The following FRA10AC1 variants were observed in gnomAD, a reference collection of about 807,000 sequenced individuals.
FRA10AC1 encodes the protein FRA10A associated CGG repeat 1.
In FRA10AC1, 43 loss-of-function variants were observed where a neutral mutation model predicts 56.5. The ratio of observed to expected loss-of-function variants is 0.76; its 90% CI spans 0.60 to 0.98. FRA10AC1 has a LOEUF of 0.98. FRA10AC1 is among the 50% of genes least tolerant of loss of function. FRA10AC1 has a pLI of 0.00. For missense variants in FRA10AC1, 346 were observed against 351.8 expected, an observed-to-expected ratio of 0.98 and a Z score of 0.13; for synonymous variants, 112 against 110.5, an observed-to-expected ratio of 1.01 and a Z score of -0.09.
intron 11 of FRA10AC1, among the ~76,000 whole-genome samples, chr10:93,679,999 C>T (rs1219643962): frequency 6.6e-6 from 1 of 152,094 alleles, no homozygotes; most frequent in Middle Eastern, 3.2e-3. Context: ...TGACAGAACA[C>T]TAAGGGAAAA....
At position 93,669,685 on chromosome 10, in the gene FRA10AC1, G is replaced by C. The variant is rs186174296; in HGVS notation, c.*141C>G. 2 of 634,874 alleles carry C rather than the reference G, an allele frequency of 3.2e-6. No individual in the cohort carries two copies. The highest frequency in any genetic ancestry group is 5.8e-5 in the East Asian group (2 of 34,486). 39.3% of individuals were successfully genotyped at this position (634,874 alleles called of 1,614,324 possible). A position where few individuals can be genotyped will look rare whatever the true frequency, so the allele number is the denominator to read the frequency against. Reference sequence around the variant, plus strand: ...ACTTCCAAAGCCTCTGACATTCTGAGAGAACCTGGATTTTTATTTCCAAAG... The same window carrying C: ...ACTTCCAAAGCCTCTGACATTCTGACAGAACCTGGATTTTTATTTCCAAAG... On this transcript the variant is annotated 3_prime_UTR_variant, in exon 14 of 14. Transcript: ENST00000359204.
chr10:93,694,751 C>T, intron 5 of FRA10AC1, 110 bp downstream of exon 5: 2 of 493,518 alleles, frequency 4.1e-6, no homozygotes, highest in Non-Finnish European at 7.2e-6. Context: ...AAAAGGCACA[C>T]CGGAATAGAA....
chr10:93,690,649 A>G lies in FRA10AC1; in HGVS notation c.465+1360T>C, dbSNP rs78658079. On this transcript the variant is annotated intron_variant, in intron 7 of 13. Coordinates refer to ENST00000359204, the MANE Select transcript of FRA10AC1 (RefSeq NM_145246.5). ...GAAAAAAAACAACAACTTAAGAACA[A>G]TCCATGAATAAGCCAGGGCTGAAAA... Among the ~76,000 whole-genome samples the G allele has an allele frequency of 7.2e-3, 1,101 of 152,282 alleles. 8 individuals carry two copies. The highest frequency in any genetic ancestry group is 0.021 in the African/African-American group (885 of 41,556).
Position 93,702,522 on chromosome 10 carries a change from A to ACCGCCGCCACCGCCGCCGCCG in FRA10AC1, c.-149_-148insCGGCGGCGGCGGTGGCGGCGG, listed in dbSNP as rs2059358300. Reference sequence around the variant, plus strand: ...GCCGCACAGCCTCGCCACAACCACCACCGCCGCCGCCGCCGCCGCCGCCGC... The same window carrying ACCGCCGCCACCGCCGCCGCCG: ...GCCGCACAGCCTCGCCACAACCACCACCGCCGCCACCGCCGCCGCCGCCGCCGCCGCCGCCGCCGCCGCCGC... On this transcript the variant is annotated 5_prime_UTR_variant, in exon 1 of 14. Coordinates refer to ENST00000359204, the MANE Select transcript of FRA10AC1 (RefSeq NM_145246.5). The ACCGCCGCCACCGCCGCCGCCG allele has an allele frequency of 4.7e-6, 1 of 211,550 alleles. No homozygotes were observed. The highest frequency in any genetic ancestry group is 2.4e-5 in the African/African-American group (1 of 40,848). The allele number at this position is 211,550 out of a possible 1,614,324, so 13.1% of individuals were successfully genotyped here. A position where few individuals can be genotyped will look rare whatever the true frequency, so the allele number is the denominator to read the frequency against.
At chr10:93,692,245 T>C (rs2059136360) in intron 6 of FRA10AC1, 152 bp from the exon 7 acceptor site, 4 of 577,372 alleles carry the variant, frequency 6.9e-6, no homozygotes, top group Non-Finnish European at 1.1e-5. Flanking sequence ...ATATTAACTA[T>C]TAAAAGTGGT....
At chr10:93,682,864 A>G (rs920840111) in intron 10 of FRA10AC1, among the ~76,000 whole-genome samples, 1 of 152,190 alleles carries the variant, frequency 6.6e-6, no homozygotes, top group African/African-American at 2.4e-5. Context: ...AGAATTAAAA[A>G]TATTATTTAA....
chr10:93,693,598 CATAT>C (rs1288704021), intron 5 of FRA10AC1, among the ~76,000 whole-genome samples: 3 of 132,084 alleles, frequency 2.3e-5, no homozygotes, highest in Admixed American at 7.9e-5. Flanking sequence ...ATATACACAC[CATAT>C]ATATACACAC....
chr10:93,698,048 A>G (rs994789091), intron 4 of FRA10AC1, 88 bp downstream of exon 4: 9 of 737,606 alleles, frequency 1.2e-5, no homozygotes, highest in Non-Finnish European at 1.7e-5. Flanking sequence ...AAAAAAGCCT[A>G]TTTGACTTCA....
chr10:93,669,783 C>T lies in FRA10AC1; in HGVS notation c.*43G>A. 1 of 1,325,070 alleles carries T rather than the reference C, an allele frequency of 7.5e-7. No individual in the cohort carries two copies. Among genetic ancestry groups the T allele is most frequent in the South Asian group, 1.3e-5 (1 of 77,358 alleles). The allele number at this position is 1,325,070 out of a possible 1,614,324, so 82.1% of individuals were successfully genotyped here. On this transcript the variant is annotated 3_prime_UTR_variant, in exon 14 of 14. Coordinates refer to ENST00000359204, the MANE Select transcript of FRA10AC1 (RefSeq NM_145246.5). The stretch of plus-strand genomic sequence containing the variant: ...TCAAATTGCATGAAGTTTAAAACTT[C>T]ATGAAGTTTCACATTAAGGAGCGGA...
chr10:93,685,455 A>C, intron 8 of FRA10AC1, 96 bp from the exon 9 acceptor site: 4 of 629,786 alleles, frequency 6.4e-6, no homozygotes, highest in Non-Finnish European at 1.1e-5. Context: ...TAAAATATGC[A>C]AATTAACCAT....
chr10:93,671,498 A>AT (rs1299432724), intron 12 of FRA10AC1: 1 of 153,154 alleles, frequency 6.5e-6, no homozygotes, highest in East Asian at 1.9e-4. Flanking sequence ...TAGGAATTTG[A>AT]TTACTTACAT....
chr10:93,670,847 T>G lies in FRA10AC1; in HGVS notation c.828A>C (p.Arg276Ser), dbSNP rs2058749269. 3 of 1,604,894 alleles carry G rather than the reference T, an allele frequency of 1.9e-6. No homozygotes were observed. The African/African-American group carries it at 4.0e-5, about 21-fold the overall frequency. The change falls in exon 13 of 14, where the codon AGA becomes AGC. Residue 276 changes from arginine to serine, a missense_variant and splice_region_variant. Arg to Ser is a moderately radical substitution (Grantham distance 110). Coordinates refer to ENST00000359204, the MANE Select transcript of FRA10AC1 (RefSeq NM_145246.5). ...AAGCACTTTCTTCCTCATCAGAGTT[T>G]CCTGTTCATTTAAAAAAGATGATTT... ...SSKKSEDSLL[R>S]NSDEEESASE...
intron 6 of FRA10AC1, 98 bp from the exon 7 acceptor site, chr10:93,692,191 A>C: frequency 1.2e-6 from 1 of 824,192 alleles, no homozygotes; most frequent in Non-Finnish European, 1.7e-6. Flanking sequence ...ATAAATATTA[A>C]TGTTTTAAGA....
intron 8 of FRA10AC1, among the ~76,000 whole-genome samples, chr10:93,687,055 A>C (rs1327761103): frequency 1.3e-5 from 2 of 151,852 alleles, no homozygotes; most frequent in Non-Finnish European, 3.0e-5. Context: ...AAACAGTAAC[A>C]CCAATTCATT....
intron 2 of FRA10AC1, among the ~76,000 whole-genome samples, chr10:93,699,105 G>C (rs2059285212): frequency 6.6e-6 from 1 of 152,136 alleles, no homozygotes; most frequent in African/African-American, 2.4e-5. Context: ...TAGACTGTCA[G>C]CCCTAGTTAT....
At chr10:93,679,525 C>T (rs1171596134) in intron 11 of FRA10AC1, among the ~76,000 whole-genome samples, 2 of 152,086 alleles carry the variant, frequency 1.3e-5, no homozygotes, top group African/African-American at 4.8e-5. Context: ...GAAGAGAAGA[C>T]ACAGCATCCA....
chr10:93,680,753 T>C (rs908992705), intron 11 of FRA10AC1, among the ~76,000 whole-genome samples: 2 of 152,236 alleles, frequency 1.3e-5, no homozygotes, highest in African/African-American at 4.8e-5. Context: ...ACCTTCATAA[T>C]AGCTAATATG....
chr10:93,682,826 A>C (rs1342760030), intron 10 of FRA10AC1, among the ~76,000 whole-genome samples: 1 of 152,090 alleles, frequency 6.6e-6, no homozygotes, highest in Admixed American at 6.6e-5. Flanking sequence ...GAATAATGAA[A>C]ATAATAAAAA....
intron 11 of FRA10AC1, among the ~76,000 whole-genome samples, chr10:93,680,562 T>A (rs1344194958): frequency 1.3e-5 from 2 of 152,218 alleles, no homozygotes; most frequent in Non-Finnish European, 1.5e-5. Flanking sequence ...TAAATGCTTC[T>A]AAGCATGCAA....
Sources: allele counts gnomAD v4.1 joint callset (sites outside exome capture counted in the v4.1 genomes callset), GRCh38; gene constraint gnomAD v4.1.1; transcripts MANE v1.5; gene names NCBI Gene and HGNC (gene_info 2026-07-23, HGNC 2026-07-21).